Variants in VAC14 observed in about 807,000 individuals in gnomAD.
The protein encoded by VAC14 is protein VAC14 homolog.
A neutral mutation model predicts 85.3 loss-of-function variants in VAC14; 47 were observed. The ratio of observed to expected loss-of-function variants is 0.55; its 90% CI spans 0.44 to 0.70. The LOEUF (loss-of-function observed/expected upper bound fraction) is 0.70, where lower values mean the gene tolerates loss of function less well. Ranked by LOEUF, VAC14 falls within the 30% of genes least tolerant of loss-of-function variation. VAC14 has a pLI of 0.00. For synonymous variants in VAC14, 447 were observed against 430.5 expected, an observed-to-expected ratio of 1.04 and a Z score of -0.47; for missense variants, 861 against 1,004.3, an observed-to-expected ratio of 0.86 and a Z score of 1.93.
At chr16:70,705,524 G>A (rs2053904415) in intron 14 of VAC14, among the ~76,000 whole-genome samples, 1 of 152,252 alleles carries the variant, frequency 6.6e-6, no homozygotes, top group Non-Finnish European at 1.5e-5. Flanking sequence ...AGGGGCCTCT[G>A]ACATTCTTGA....
At chr16:70,754,814 TTTTG>T (rs1210962371) in intron 12 of VAC14, among the ~76,000 whole-genome samples, 1 of 152,048 alleles carries the variant, frequency 6.6e-6, no homozygotes, top group African/African-American at 2.4e-5. Flanking sequence ...GGAGGGGTGT[TTTTG>T]TTTGTTTTGG....
intron 12 of VAC14, among the ~76,000 whole-genome samples, chr16:70,748,631 G>A (rs944377950): frequency 6.6e-6 from 1 of 152,208 alleles, no homozygotes; most frequent in African/African-American, 2.4e-5. Context: ...CAAAGTGGTA[G>A]GCAGGGCCAG....
At position 70,773,553 on chromosome 16, in the gene VAC14, TGAG is replaced by T. The variant is rs1474291249; in HGVS notation, c.1097-1384_1097-1382del. On this transcript the variant is annotated intron_variant, in intron 9 of 18. Coordinates refer to ENST00000261776, the MANE Select transcript of VAC14 (RefSeq NM_018052.5). Reference sequence around the variant, plus strand: ...GCACTGGCCACAGCTCTCACTGCACTGAGGAGGGAAGAGGGGGCTGGCAGTCCT... The same window carrying T: ...GCACTGGCCACAGCTCTCACTGCACTGAGGGAAGAGGGGGCTGGCAGTCCT... 1.3e-5 allele frequency among the ~76,000 whole-genome samples: 2 copies of T among 152,094 alleles called. 1 individual carries two copies. Among genetic ancestry groups the T allele is most frequent in the East Asian group, 3.9e-4 (2 of 5,182 alleles).
intron 1 of VAC14, among the ~76,000 whole-genome samples, chr16:70,796,565 A>G (rs1385634595): frequency 6.6e-6 from 1 of 152,204 alleles, no homozygotes; most frequent in Non-Finnish European, 1.5e-5. Context: ...CTGTGAAACC[A>G]TGGGAAGATT....
chr16:70,792,912 T>C (rs888652197), intron 1 of VAC14, among the ~76,000 whole-genome samples: 1 of 152,202 alleles, frequency 6.6e-6, no homozygotes, highest in African/African-American at 2.4e-5. Flanking sequence ...GTAGCTATTA[T>C]TATTTCACTC....
At chr16:70,720,517 C>CGG (rs1308240501) in intron 14 of VAC14, among the ~76,000 whole-genome samples, 1 of 152,274 alleles carries the variant, frequency 6.6e-6, no homozygotes, top group East Asian at 1.9e-4. Context: ...GACAGTGTCT[C>CGG]GGGCACGGTG....
At chr16:70,688,758 A>C in intron 18 of VAC14, 1 of 985,508 alleles carries the variant, frequency 1.0e-6, no homozygotes. Context: ...TGCTCCCTAT[A>C]ATGGTGCAAT....
intron 13 of VAC14, among the ~76,000 whole-genome samples, chr16:70,742,108 G>C (rs369967458): frequency 1.3e-5 from 2 of 152,218 alleles, no homozygotes; most frequent in African/African-American, 2.4e-5. Context: ...GGTCACAGAG[G>C]GCCTGGGAGG....
At chr16:70,765,845 A>C (rs1295598312) in intron 10 of VAC14, among the ~76,000 whole-genome samples, 1 of 152,148 alleles carries the variant, frequency 6.6e-6, no homozygotes. Context: ...GTAATTTTGT[A>C]TGAGAAGGGT....
chr16:70,781,741 C>T, intron 8 of VAC14, 128 bp downstream of exon 8: 1 of 1,322,066 alleles, frequency 7.6e-7, no homozygotes, highest in Non-Finnish European at 1.0e-6. Context: ...TCTCTTTTTC[C>T]CGAGCTGCTA....
chr16:70,791,022 A>G (rs1056085203), intron 1 of VAC14, among the ~76,000 whole-genome samples: 6 of 152,094 alleles, frequency 3.9e-5, no homozygotes, highest in Admixed American at 2.6e-4. Context: ...AATCAAGCCT[A>G]CCCTACTTAT....
intron 9 of VAC14, among the ~76,000 whole-genome samples, chr16:70,773,851 G>A (rs576136790): frequency 2.6e-5 from 4 of 151,666 alleles, no homozygotes; most frequent in East Asian, 3.9e-4. Context: ...TGCAATCTTC[G>A]CCTCCTGCAC....
chr16:70,691,280 C>A (rs1417701828), intron 18 of VAC14: 2 of 985,300 alleles, frequency 2.0e-6, no homozygotes, highest in East Asian at 2.3e-4. Flanking sequence ...GGAGGACTCC[C>A]AGGAAGGCAG....
chr16:70,762,928 C>A lies in VAC14; in HGVS notation c.1258G>T (p.Ala420Ser). 6.2e-7 allele frequency: 1 copy of A among 1,614,220 alleles called. No homozygotes were observed. The highest frequency in any genetic ancestry group is 8.5e-7 in the Non-Finnish European group (1 of 1,180,042). Residue 420 changes from alanine to serine, a missense_variant, in exon 11 of 19, where the codon GCA becomes TCA. Coordinates refer to ENST00000261776, the MANE Select transcript of VAC14 (RefSeq NM_018052.5). This position sits in a 1 kb window ranked among gnomAD's most constrained non-coding sequence, Gnocchi z 4.1. The part of the protein sequence containing the change: ...DTAIGMMTRI[A>S]VLKWLYHLYI... ...AGGTGGTAGAGCCACTTGAGAACTG[C>A]AATCCTGGTCATCATCCCAATGGCC... is the stretch of plus-strand genomic sequence containing the variant.
intron 9 of VAC14, among the ~76,000 whole-genome samples, chr16:70,773,987 C>A (rs529551573): frequency 2.0e-5 from 3 of 151,558 alleles, no homozygotes; most frequent in Middle Eastern, 3.4e-3. Flanking sequence ...GTTACCCAGG[C>A]TGGTTACAAA....
chr16:70,771,229 A>G (rs753174488), intron 10 of VAC14: 5 of 152,196 alleles, frequency 3.3e-5, no homozygotes, highest in Non-Finnish European at 7.3e-5. Context: ...AGCCCCAAGG[A>G]AGAGAATTAT....
At chr16:70,729,804 G>C (rs547215048) in intron 14 of VAC14, among the ~76,000 whole-genome samples, 1 of 151,964 alleles carries the variant, frequency 6.6e-6, no homozygotes, top group Non-Finnish European at 1.5e-5. Flanking sequence ...CTTGCACAGA[G>C]TTAGTGTTCA....
intron 18 of VAC14, among the ~76,000 whole-genome samples, chr16:70,692,526 A>G (rs1272212365): frequency 6.6e-6 from 1 of 152,132 alleles, no homozygotes; most frequent in Non-Finnish European, 1.5e-5. Context: ...AGATGCCCTC[A>G]GAGTTTTTAG....
At chr16:70,736,850 AGT>A (rs1243741147) in intron 13 of VAC14, among the ~76,000 whole-genome samples, 1 of 141,280 alleles carries the variant, frequency 7.1e-6, no homozygotes, top group East Asian at 2.5e-4. Context: ...TGAGCAGGGC[AGT>A]CTTTTCCCAG....
Sources: gnomAD v4.1 joint callset for allele counts (sites outside exome capture counted in the v4.1 genomes callset) on GRCh38, gnomAD v4.1.1 for gene constraint, Gnocchi (gnomAD v3.1) non-coding constraint, MANE v1.5 for transcripts, NCBI Gene and HGNC (gene_info 2026-07-23, HGNC 2026-07-21) for gene names.